DNM3: variants seen among roughly 807,000 people sequenced by gnomAD.
The protein encoded by DNM3 is dynamin 3.
A neutral mutation model predicts 101.6 loss-of-function variants in DNM3; 47 were observed. The ratio of observed to expected loss-of-function variants is 0.46; its 90% CI spans 0.37 to 0.59. DNM3 has a LOEUF of 0.59. DNM3 is among the 20% of genes least tolerant of loss of function. The pLI is 0.00. For synonymous variants in DNM3, 385 were observed against 387.9 expected, an observed-to-expected ratio of 0.99 and a Z score of 0.09; for missense variants, 849 against 1,085.7, an observed-to-expected ratio of 0.78 and a Z score of 3.06.
At chr1:171,984,317 A>G (rs973296019) in intron 2 of DNM3, among the ~76,000 whole-genome samples, 2 of 152,136 alleles carry the variant, frequency 1.3e-5, no homozygotes, top group Non-Finnish European at 2.9e-5. Context: ...CACTCAGCGA[A>G]AAATCAAAGT....
At chr1:172,113,104 A>G (rs1312566114) in intron 13 of DNM3, among the ~76,000 whole-genome samples, 1 of 152,212 alleles carries the variant, frequency 6.6e-6, no homozygotes, top group Admixed American at 6.5e-5. Context: ...TTTGATGATT[A>G]AAGGTAAATA....
intron 14 of DNM3, among the ~76,000 whole-genome samples, chr1:172,175,051 A>T (rs1448448953): frequency 6.6e-6 from 1 of 151,704 alleles, no homozygotes; most frequent in African/African-American, 2.4e-5. Context: ...TAACAAAACA[A>T]GTACCAGGGA....
chr1:171,958,300 A>C (rs977796134), intron 2 of DNM3, among the ~76,000 whole-genome samples: 7 of 152,330 alleles, frequency 4.6e-5, no homozygotes, highest in African/African-American at 1.7e-4. Context: ...GTTACAATTC[A>C]AGATGAGATT....
chr1:171,956,721 G>T (rs2042883460), intron 2 of DNM3, among the ~76,000 whole-genome samples: 1 of 152,174 alleles, frequency 6.6e-6, no homozygotes, highest in African/African-American at 2.4e-5. Context: ...CCCAGCAGAG[G>T]TTCTCCATGA....
At chr1:172,045,170 GT>G (rs1558477032) in intron 9 of DNM3, among the ~76,000 whole-genome samples, 1 of 146,288 alleles carries the variant, frequency 6.8e-6, no homozygotes, top group Non-Finnish European at 1.5e-5. Flanking sequence ...GCTGGGTGGG[GT>G]TGGGGGTGGG....
At chr1:171,961,824 T>C (rs1211223139) in intron 2 of DNM3, among the ~76,000 whole-genome samples, 1 of 152,224 alleles carries the variant, frequency 6.6e-6, no homozygotes, top group Non-Finnish European at 1.5e-5. Flanking sequence ...GAAAACATTA[T>C]GCTAAGTAAA....
Position 171,952,626 on chromosome 1 carries a change from T to C in DNM3, c.235+30805T>C, listed in dbSNP as rs548396160. Among the ~76,000 whole-genome samples the C allele has an allele frequency of 2.6e-5, 4 of 152,260 alleles. No homozygotes were observed. The South Asian group carries it at 8.3e-4, about 32-fold the overall frequency. On this transcript the variant is annotated intron_variant, in intron 2 of 20. Transcript: ENST00000627582. ...GGGAGGCTTAGGATTTTATTTTTGA[T>C]TTACAGGGGCAAATACAGTAGAAGT... is the stretch of plus-strand genomic sequence containing the variant.
intron 1 of DNM3, among the ~76,000 whole-genome samples, chr1:171,899,047 C>T (rs1364267483): frequency 6.6e-6 from 1 of 152,156 alleles, no homozygotes; most frequent in Non-Finnish European, 1.5e-5. Context: ...CCTCTTAGCC[C>T]CTCCGGACGC....
At chr1:171,997,825 T>C (rs2046100377) in intron 4 of DNM3, among the ~76,000 whole-genome samples, 1 of 152,094 alleles carries the variant, frequency 6.6e-6, no homozygotes. Context: ...AAAAATAGGC[T>C]ATTGGTTTAC....
At chr1:171,869,644 T>C (rs879582990) in intron 1 of DNM3, among the ~76,000 whole-genome samples, 9 of 152,228 alleles carry the variant, frequency 5.9e-5, no homozygotes, top group Non-Finnish European at 1.0e-4. Context: ...AATGGATTCG[T>C]GTCATGAAGG....
At chr1:172,214,582 A>G (rs990055796) in intron 14 of DNM3, among the ~76,000 whole-genome samples, 4 of 152,146 alleles carry the variant, frequency 2.6e-5, no homozygotes, top group Non-Finnish European at 5.9e-5. Flanking sequence ...ACTAAACATA[A>G]TTAGATATGT....
At chr1:172,132,510 T>C (rs1373704118) in intron 14 of DNM3, among the ~76,000 whole-genome samples, 1 of 152,166 alleles carries the variant, frequency 6.6e-6, no homozygotes, top group African/African-American at 2.4e-5. Context: ...TGTGGGAAGC[T>C]CTAGTTTTAA....
chr1:172,062,160 C>T (rs1251113189), intron 10 of DNM3, among the ~76,000 whole-genome samples: 2 of 152,134 alleles, frequency 1.3e-5, no homozygotes, highest in African/African-American at 2.4e-5. Context: ...TGATTTTCCT[C>T]CCACTTTCTG....
intron 14 of DNM3, among the ~76,000 whole-genome samples, chr1:172,249,231 A>C (rs1183722448): frequency 6.6e-6 from 1 of 152,128 alleles, no homozygotes; most frequent in African/African-American, 2.4e-5. Flanking sequence ...CGCACTTGCC[A>C]AGCCCATACC....
chr1:172,145,328 C>G (rs113038350), intron 14 of DNM3, among the ~76,000 whole-genome samples: 143 of 148,036 alleles, frequency 9.7e-4, no homozygotes, highest in South Asian at 1.7e-3. Flanking sequence ...CTGTCTGTCT[C>G]TCTCTCTCTC....
intron 10 of DNM3, among the ~76,000 whole-genome samples, chr1:172,049,885 G>C (rs936881347): frequency 5.9e-5 from 9 of 152,102 alleles, no homozygotes; most frequent in African/African-American, 2.2e-4. Flanking sequence ...CATAGTAGAA[G>C]AGGCAAATGG....
chr1:172,193,876 T>A (rs2148452743), intron 14 of DNM3, among the ~76,000 whole-genome samples: 1 of 152,308 alleles, frequency 6.6e-6, no homozygotes, highest in South Asian at 2.1e-4. Flanking sequence ...TCTGCTCTGA[T>A]CTTAGTTATT....
At chr1:171,961,719 A>C (rs1331214647) in intron 2 of DNM3, among the ~76,000 whole-genome samples, 1 of 152,186 alleles carries the variant, frequency 6.6e-6, no homozygotes, top group Non-Finnish European at 1.5e-5. Flanking sequence ...CCACAGATGA[A>C]TGGATAAACA....
intron 14 of DNM3, among the ~76,000 whole-genome samples, chr1:172,187,564 C>G (rs748161508): frequency 1.3e-4 from 20 of 151,908 alleles, no homozygotes; most frequent in Non-Finnish European, 2.1e-4. Flanking sequence ...TTCAATGAGA[C>G]TATATTTTCT....
Sources: gnomAD v4.1 joint callset for allele counts (sites outside exome capture counted in the v4.1 genomes callset) on GRCh38, gnomAD v4.1.1 for gene constraint, MANE v1.5 for transcripts, NCBI Gene and HGNC (gene_info 2026-07-23, HGNC 2026-07-21) for gene names.